SGCZ: variants seen among roughly 807,000 people sequenced by gnomAD.
SGCZ encodes the protein zeta-sarcoglycan.
A neutral mutation model predicts 41.3 loss-of-function variants in SGCZ; 40 were observed. The ratio of observed to expected loss-of-function variants is 0.97; its 90% CI spans 0.75 to 1.26. The LOEUF is 1.26. SGCZ is among the 50% of genes most tolerant of loss of function. The pLI, the probability that SGCZ is intolerant of heterozygous loss-of-function variation, is 0.00. For missense variants in SGCZ, 552 were observed against 369.8 expected (o/e 1.49, Z -4.04); for synonymous variants, 206 against 137.5 (o/e 1.50, Z -3.49).
chr8:14,368,167 T>C (rs1451173331), intron 2 of SGCZ, among the ~76,000 whole-genome samples: 3 of 152,096 alleles, frequency 2.0e-5, no homozygotes, highest in Non-Finnish European at 4.4e-5. Context: ...TCAATTTAAT[T>C]ATGCAATATT....
intron 2 of SGCZ, among the ~76,000 whole-genome samples, chr8:14,363,674 G>T (rs1033506587): frequency 6.6e-6 from 1 of 152,088 alleles, no homozygotes; most frequent in Non-Finnish European, 1.5e-5. Flanking sequence ...GTTTTATTCA[G>T]TTAACAGTTA....
At chr8:14,260,185 G>C (rs987520181) in intron 3 of SGCZ, among the ~76,000 whole-genome samples, 1 of 151,992 alleles carries the variant, frequency 6.6e-6, no homozygotes, top group Non-Finnish European at 1.5e-5. Flanking sequence ...GAAAATTTTC[G>C]CAACCTACTC....
At chr8:14,628,650 G>A (rs1030720332) in intron 1 of SGCZ, among the ~76,000 whole-genome samples, 2 of 152,108 alleles carry the variant, frequency 1.3e-5, no homozygotes, top group South Asian at 2.1e-4. Context: ...ATTAGCAAAT[G>A]ACAAGAGACA....
At chr8:14,865,649 A>T (rs1017655254) in intron 1 of SGCZ, among the ~76,000 whole-genome samples, 2 of 152,146 alleles carry the variant, frequency 1.3e-5, no homozygotes, top group South Asian at 2.1e-4. Context: ...CTTCAATTAC[A>T]TAAGGGGCCA....
intron 1 of SGCZ, among the ~76,000 whole-genome samples, chr8:14,661,846 A>G (rs955027498): frequency 5.3e-5 from 8 of 152,110 alleles, no homozygotes; most frequent in African/African-American, 2.4e-5. Context: ...ATTGTTAAAA[A>G]AAAAAGATAG....
chr8:14,716,032 G>C (rs1381584153), intron 1 of SGCZ, among the ~76,000 whole-genome samples: 3 of 152,036 alleles, frequency 2.0e-5, no homozygotes, highest in Non-Finnish European at 2.9e-5. Flanking sequence ...AATTATAGGA[G>C]AAAGTCACTA....
chr8:15,201,974 A>AT (rs1342436233), intron 1 of SGCZ, among the ~76,000 whole-genome samples: 1 of 152,178 alleles, frequency 6.6e-6, no homozygotes, highest in African/African-American at 2.4e-5. Context: ...ATGTAGTTTG[A>AT]TTTTTTTCAT....
chr8:14,300,098 G>A (rs1801135937), intron 3 of SGCZ, among the ~76,000 whole-genome samples: 2 of 152,122 alleles, frequency 1.3e-5, no homozygotes, highest in East Asian at 1.9e-4. Flanking sequence ...AGACCTGCCT[G>A]AAGTGGGCTT....
At chr8:14,222,737 A>G (rs1376212886) in intron 4 of SGCZ, among the ~76,000 whole-genome samples, 1 of 149,344 alleles carries the variant, frequency 6.7e-6, no homozygotes, top group Non-Finnish European at 1.5e-5. Context: ...CTATTAACCA[A>G]TTTTACCTAC....
chr8:14,574,743 T>G (rs1015289458), intron 1 of SGCZ, among the ~76,000 whole-genome samples: 1 of 152,200 alleles, frequency 6.6e-6, no homozygotes, highest in Non-Finnish European at 1.5e-5. Flanking sequence ...GGTTAATTTG[T>G]TTTTACTAAT....
intron 2 of SGCZ, among the ~76,000 whole-genome samples, chr8:14,427,579 C>T (rs1012316037): frequency 2.0e-5 from 3 of 152,142 alleles, no homozygotes; most frequent in Non-Finnish European, 4.4e-5. Flanking sequence ...TAACTTCAAC[C>T]CTACTAGACC....
At chr8:14,259,587 T>C (rs1211600464) in intron 3 of SGCZ, among the ~76,000 whole-genome samples, 2 of 133,866 alleles carry the variant, frequency 1.5e-5, no homozygotes, top group Non-Finnish European at 3.5e-5. Context: ...CCATTGCTTG[T>C]TTTTGTCAGG....
chr8:14,289,802 A>T (rs1268612011), intron 3 of SGCZ, among the ~76,000 whole-genome samples: 3 of 151,928 alleles, frequency 2.0e-5, no homozygotes, highest in Admixed American at 6.6e-5. Flanking sequence ...TGCTATAATG[A>T]ACTACCTGAG....
chr8:14,632,133 C>T (rs907772586), intron 1 of SGCZ, among the ~76,000 whole-genome samples: 3 of 152,060 alleles, frequency 2.0e-5, no homozygotes, highest in African/African-American at 4.8e-5. Context: ...ATCCTCCCAC[C>T]TCAGCCACCT....
At chr8:14,419,984 C>G (rs1799596412) in intron 2 of SGCZ, among the ~76,000 whole-genome samples, 1 of 152,036 alleles carries the variant, frequency 6.6e-6, no homozygotes, top group Non-Finnish European at 1.5e-5. Flanking sequence ...GGGCTGAGCA[C>G]CAAATGTGAT....
intron 1 of SGCZ, among the ~76,000 whole-genome samples, chr8:14,816,023 G>C (rs956363080): frequency 1.3e-5 from 2 of 152,088 alleles, no homozygotes; most frequent in Admixed American, 1.3e-4. Flanking sequence ...ATAAAATGAG[G>C]CCAGTGAAAT....
At chr8:14,448,860 T>C (rs993926485) in intron 2 of SGCZ, among the ~76,000 whole-genome samples, 1 of 152,202 alleles carries the variant, frequency 6.6e-6, no homozygotes, top group Non-Finnish European at 1.5e-5. Flanking sequence ...TACACTGACA[T>C]AGCTGGGCGC....
At position 14,091,222 on chromosome 8, in the gene SGCZ, A is replaced by G. The variant is rs1399741222; in HGVS notation, c.745-585T>C. ...TGGTGTATATGTGCTACATTTTTTT[A>G]ATCTAGTGTGTCATTGATGGACATT... On this transcript the variant is annotated intron_variant, in intron 7 of 7. Transcript: ENST00000382080. Among the ~76,000 whole-genome samples the G allele has an allele frequency of 3.3e-5, 5 of 151,294 alleles. No individual in the cohort carries two copies. The Admixed American group carries it at 3.3e-4, about 10-fold the overall frequency.
intron 1 of SGCZ, among the ~76,000 whole-genome samples, chr8:14,847,788 TA>T (rs200291523): frequency 0.022 from 2,344 of 105,082 alleles, 52 homozygotes; most frequent in African/African-American, 0.074. Flanking sequence ...TAGTTAATGG[TA>T]AAAAAAAAAA....
Sources: allele counts gnomAD v4.1 joint callset (sites outside exome capture counted in the v4.1 genomes callset), GRCh38; gene constraint gnomAD v4.1.1; transcripts MANE v1.5; gene names NCBI Gene and HGNC (gene_info 2026-07-23, HGNC 2026-07-21).